The following ARHGEF4 variants were observed in gnomAD, a reference collection of about 807,000 sequenced individuals.
ARHGEF4 encodes the protein APC-stimulated guanine nucleotide exchange factor 1.
In ARHGEF4, 119 loss-of-function variants were observed where a neutral mutation model predicts 162.0. That is an observed-to-expected ratio of 0.73 (90% CI 0.63 to 0.86). The LOEUF (loss-of-function observed/expected upper bound fraction) is 0.86, where lower values mean the gene tolerates loss of function less well. ARHGEF4 is among the 40% of genes least tolerant of loss of function. The pLI is 0.00. For synonymous variants in ARHGEF4, 1,014 were observed against 979.9 expected (o/e 1.03, Z -0.65); for missense variants, 2,488 against 2,456.0 (o/e 1.01, Z -0.28).
At chr2:130,882,919 T>C (rs1679290658) in intron 1 of ARHGEF4, among the ~76,000 whole-genome samples, 1 of 151,998 alleles carries the variant, frequency 6.6e-6, no homozygotes. Flanking sequence ...TTTGCTTTTT[T>C]GTCATTTTAG....
At chr2:130,910,645 A>G (rs1681121276) in intron 1 of ARHGEF4, among the ~76,000 whole-genome samples, 1 of 152,222 alleles carries the variant, frequency 6.6e-6, no homozygotes, top group Non-Finnish European at 1.5e-5. Context: ...TGATCTAATG[A>G]GCCCTTGTTA....
chr2:130,867,930 T>C (rs1305036457), intron 1 of ARHGEF4, among the ~76,000 whole-genome samples: 1 of 148,116 alleles, frequency 6.8e-6, no homozygotes, highest in Non-Finnish European at 1.5e-5. Flanking sequence ...TTTCTTTTTT[T>C]TTTTTCTTTT....
intron 1 of ARHGEF4, among the ~76,000 whole-genome samples, chr2:130,873,587 CAA>C (rs397868918): frequency 2.4e-4 from 26 of 107,876 alleles, no homozygotes; most frequent in Admixed American, 3.9e-4. Context: ...AACTCCATCT[CAA>C]AAAAAAAAAA....
rs1169358392 is a variant in ARHGEF4, at chr2:130,915,262, C to T, written c.1316C>T (p.Ala439Val). 2 of 1,550,466 alleles carry T rather than the reference C, an allele frequency of 1.3e-6. No individual in the cohort carries two copies. The highest frequency in any genetic ancestry group is 1.7e-6 in the Non-Finnish European group (2 of 1,147,008). Residue 439 changes from alanine to valine, a missense_variant, in exon 2 of 14, where the codon GCT becomes GTT. Transcript: ENST00000409359. ...CAGGATTCCAGGTCATGTCTGGTGGCTTCATGCCTCACCTCAGAGTTAGTG... is the reference window on the plus strand; with the variant it reads ...CAGGATTCCAGGTCATGTCTGGTGGTTTCATGCCTCACCTCAGAGTTAGTG... ...LRQDSRSCLV[A>V]SCLTSELVKL...
intron 10 of ARHGEF4, among the ~76,000 whole-genome samples, chr2:131,042,901 C>T (rs1418546504): frequency 6.6e-6 from 1 of 152,184 alleles, no homozygotes; most frequent in Non-Finnish European, 1.5e-5. Context: ...GGGAAGAGGG[C>T]CTCCTTAGAG....
intron 1 of ARHGEF4, among the ~76,000 whole-genome samples, chr2:130,885,079 A>G (rs35765717): frequency 0.12 from 17,831 of 152,124 alleles, 1,209 homozygotes; most frequent in South Asian, 0.18. Context: ...CCTGGTATAC[A>G]TCACTTCTGT....
chr2:130,930,328 T>A (rs1682558588), intron 2 of ARHGEF4, among the ~76,000 whole-genome samples: 1 of 152,170 alleles, frequency 6.6e-6, no homozygotes, highest in African/African-American at 2.4e-5. Flanking sequence ...ACAACATGTG[T>A]GAAGAAAAGG....
chr2:130,977,814 C>G (rs1685857368), intron 4 of ARHGEF4, among the ~76,000 whole-genome samples: 1 of 152,098 alleles, frequency 6.6e-6, no homozygotes, highest in Non-Finnish European at 1.5e-5. Context: ...GGTCTAGGTT[C>G]TGCTGCCCAC....
At chr2:130,934,293 CAG>C (rs780374656) in intron 3 of ARHGEF4, among the ~76,000 whole-genome samples, 1 of 152,110 alleles carries the variant, frequency 6.6e-6, no homozygotes, top group African/African-American at 2.4e-5. Flanking sequence ...GCTTTGGTAT[CAG>C]AGTGATTCTG....
At chr2:130,986,092 TGTG>T (rs1165359417) in intron 4 of ARHGEF4, among the ~76,000 whole-genome samples, 2 of 151,786 alleles carry the variant, frequency 1.3e-5, no homozygotes, top group Non-Finnish European at 2.9e-5. Context: ...TTGTGTGTGT[TGTG>T]TCTATTGTGT....
intron 2 of ARHGEF4, among the ~76,000 whole-genome samples, chr2:130,930,594 T>A (rs149487352): frequency 1.3e-3 from 192 of 152,282 alleles, no homozygotes; most frequent in Admixed American, 0.011. Flanking sequence ...CATAAGGGAA[T>A]GTTGTTTAAA....
chr2:131,002,026 T>A (rs1030736053), intron 4 of ARHGEF4, among the ~76,000 whole-genome samples: 15 of 152,156 alleles, frequency 9.9e-5, no homozygotes, highest in African/African-American at 3.1e-4. Context: ...GTCGGAATAC[T>A]TTCTTTTCTA....
intron 1 of ARHGEF4, among the ~76,000 whole-genome samples, chr2:130,859,358 A>T (rs1208435422): frequency 1.1e-5 from 1 of 90,450 alleles, no homozygotes; most frequent in East Asian, 3.9e-4. Context: ...ACTGTACTGC[A>T]GCCTGGGAAA....
intron 2 of ARHGEF4, 35 bp from the exon 3 acceptor site, chr2:130,930,917 C>T (rs770035405): frequency 7.0e-6 from 11 of 1,568,868 alleles, no homozygotes; most frequent in Non-Finnish European, 9.5e-6. Context: ...TGTCCTTTGA[C>T]CTCTGACCCC....
chr2:131,034,266 T>A (rs990825038), intron 5 of ARHGEF4, among the ~76,000 whole-genome samples: 12 of 152,154 alleles, frequency 7.9e-5, no homozygotes, highest in African/African-American at 2.9e-4. Flanking sequence ...TGTTTAGCCC[T>A]CTCCCCTGCA....
intron 1 of ARHGEF4, among the ~76,000 whole-genome samples, chr2:130,840,367 C>T (rs886610462): frequency 1.3e-5 from 2 of 152,184 alleles, no homozygotes; most frequent in Admixed American, 1.3e-4. Context: ...GATCTGTCCA[C>T]CGCATTTTCA....
intron 4 of ARHGEF4, among the ~76,000 whole-genome samples, chr2:130,974,272 G>GAAA (rs751083208): frequency 7.5e-6 from 1 of 133,564 alleles, no homozygotes; most frequent in African/African-American, 2.7e-5. Context: ...ATCTTGTCTG[G>GAAA]AAAAAAAAAA....
rs70994727 is a variant in ARHGEF4, at chr2:130,976,349, CTG to C, written c.3985+29734_3985+29735del. Reference sequence around the variant, plus strand: ...CCCAGAATCGTGTGTGTGTGTGTGTCTGTGTGTGTGTGTGTGTGTGTACACAT... The same window carrying C: ...CCCAGAATCGTGTGTGTGTGTGTGTCTGTGTGTGTGTGTGTGTGTACACAT... On this transcript the variant is annotated intron_variant, in intron 4 of 13. Coordinates refer to ENST00000409359, the MANE Select transcript of ARHGEF4 (RefSeq NM_001367493.1). 5.7e-3 allele frequency among the ~76,000 whole-genome samples: 844 copies of C among 148,058 alleles called. 7 individuals carry two copies. The highest frequency in any genetic ancestry group is 0.034 in the South Asian group (162 of 4,696).
Position 130,870,042 on chromosome 2 carries a change from G to A in ARHGEF4, c.39+33050G>A, listed in dbSNP as rs143019341. ...CTTTCTGGGTACATCTGCTGAAGAG[G>A]CTCAGCGTTTTGGGGCAGTGTGAAC... On this transcript the variant is annotated intron_variant, in intron 1 of 13. Coordinates refer to ENST00000409359, the MANE Select transcript of ARHGEF4 (RefSeq NM_001367493.1). Among the ~76,000 whole-genome samples the A allele has an allele frequency of 2.4e-3, 372 of 152,318 alleles. 1 individual carries two copies. The highest frequency in any genetic ancestry group is 0.014 in the Middle Eastern group (4 of 294).
Sources: allele counts gnomAD v4.1 joint callset (sites outside exome capture counted in the v4.1 genomes callset), GRCh38; gene constraint gnomAD v4.1.1; transcripts MANE v1.5; gene names NCBI Gene and HGNC (gene_info 2026-07-23, HGNC 2026-07-21).